Variants in EDIL3 observed in about 807,000 individuals in gnomAD.
EDIL3 encodes EGF like and discoidin domains 3.
In EDIL3, 37 loss-of-function variants were observed where a neutral mutation model predicts 67.4. That is an observed-to-expected ratio of 0.55 (90% CI 0.42 to 0.72). The LOEUF is 0.72. Ranked by LOEUF, EDIL3 falls within the 30% of genes least tolerant of loss-of-function variation. The probability of loss-of-function intolerance (pLI) is 0.00; values close to 1 mark genes in which losing one functional copy is unlikely to be tolerated. For missense variants in EDIL3, 527 were observed against 586.3 expected, an observed-to-expected ratio of 0.90 and a Z score of 1.04; for synonymous variants, 195 against 196.3, an observed-to-expected ratio of 0.99 and a Z score of 0.05.
At chr5:84,340,503 ACTCT>A (rs1170972212) in intron 1 of EDIL3, among the ~76,000 whole-genome samples, 89 of 38,660 alleles carry the variant, frequency 2.3e-3, no homozygotes, top group African/African-American at 4.0e-3. Flanking sequence ...AGGGAAGATT[ACTCT>A]CTCTCTCTCT....
intron 9 of EDIL3, among the ~76,000 whole-genome samples, chr5:83,989,883 A>G (rs553836548): frequency 6.6e-6 from 1 of 152,334 alleles, no homozygotes; most frequent in African/African-American, 2.4e-5. Context: ...TTGAGAAGCT[A>G]CATGGCAAAG....
intron 6 of EDIL3, among the ~76,000 whole-genome samples, chr5:84,095,724 G>GAA (rs1747250180): frequency 6.6e-6 from 1 of 152,180 alleles, no homozygotes; most frequent in South Asian, 2.1e-4. Context: ...CAATGCAATA[G>GAA]AAAAGAAAAA....
chr5:84,109,123 AT>A (rs1429360394), intron 5 of EDIL3, among the ~76,000 whole-genome samples: 1 of 152,184 alleles, frequency 6.6e-6, no homozygotes, highest in East Asian at 1.9e-4. Context: ...CCAATGAGCG[AT>A]TTTGAAAATA....
At chr5:83,985,878 A>G (rs1046022040) in intron 9 of EDIL3, among the ~76,000 whole-genome samples, 4 of 151,960 alleles carry the variant, frequency 2.6e-5, no homozygotes, top group African/African-American at 9.7e-5. Context: ...ATAGGTTTGT[A>G]TTGTTATTTC....
intron 3 of EDIL3, among the ~76,000 whole-genome samples, chr5:84,195,292 AG>A (rs1157530816): frequency 6.6e-6 from 1 of 151,982 alleles, no homozygotes; most frequent in Non-Finnish European, 1.5e-5. Context: ...TAATTAGGGA[AG>A]TTACTATAAA....
intron 1 of EDIL3, among the ~76,000 whole-genome samples, chr5:84,367,369 T>G (rs772788443): frequency 6.6e-6 from 1 of 152,088 alleles, no homozygotes; most frequent in Non-Finnish European, 1.5e-5. Flanking sequence ...CTTTAACAAC[T>G]TTTAACAAAC....
chr5:84,235,648 T>C (rs902342971), intron 2 of EDIL3, among the ~76,000 whole-genome samples: 2 of 152,032 alleles, frequency 1.3e-5, no homozygotes, highest in Admixed American at 6.6e-5. Flanking sequence ...TAAATATTTG[T>C]TGAAAGAAAA....
At chr5:84,160,158 A>G (rs1748577996) in intron 4 of EDIL3, among the ~76,000 whole-genome samples, 1 of 152,148 alleles carries the variant, frequency 6.6e-6, no homozygotes, top group Non-Finnish European at 1.5e-5. Context: ...TTTGACAGAC[A>G]ACTCCAGTGA....
At chr5:84,158,583 C>T (rs892612986) in intron 4 of EDIL3, among the ~76,000 whole-genome samples, 18 of 152,024 alleles carry the variant, frequency 1.2e-4, no homozygotes, top group African/African-American at 3.6e-4. Context: ...TCATATTCCT[C>T]AGTTGTGTAG....
chr5:83,967,928 G>C (rs1006854447), intron 9 of EDIL3, among the ~76,000 whole-genome samples: 2 of 152,086 alleles, frequency 1.3e-5, no homozygotes, highest in African/African-American at 4.8e-5. Flanking sequence ...ATTCTGAATT[G>C]TGTATTTTAT....
chr5:84,175,025 G>A (rs1748879035), intron 4 of EDIL3, among the ~76,000 whole-genome samples: 1 of 152,170 alleles, frequency 6.6e-6, no homozygotes, highest in Non-Finnish European at 1.5e-5. Context: ...AGGGTGTTAA[G>A]TGAAAATGCT....
At chr5:84,284,299 G>A (rs1745765250) in intron 1 of EDIL3, among the ~76,000 whole-genome samples, 1 of 152,094 alleles carries the variant, frequency 6.6e-6, no homozygotes, top group African/African-American at 2.4e-5. Flanking sequence ...ATTGTGAAGT[G>A]ACCTTTCCAA....
intron 6 of EDIL3, among the ~76,000 whole-genome samples, chr5:84,091,084 A>T (rs1158629991): frequency 6.6e-6 from 1 of 152,230 alleles, no homozygotes; most frequent in Non-Finnish European, 1.5e-5. Flanking sequence ...AATAAAAGGG[A>T]ACTACCAAGA....
intron 6 of EDIL3, among the ~76,000 whole-genome samples, chr5:84,069,814 G>C (rs553670673): frequency 4.6e-5 from 7 of 151,982 alleles, no homozygotes; most frequent in Non-Finnish European, 1.0e-4. Flanking sequence ...CATTTTCCAA[G>C]AGCACCTGTC....
intron 1 of EDIL3, among the ~76,000 whole-genome samples, chr5:84,268,682 A>C (rs1350622610): frequency 6.6e-6 from 1 of 152,212 alleles, no homozygotes; most frequent in Non-Finnish European, 1.5e-5. Flanking sequence ...TTATTGTTAG[A>C]AAAAATAAGA....
intron 4 of EDIL3, among the ~76,000 whole-genome samples, chr5:84,178,279 T>C (rs1748954939): frequency 6.6e-6 from 1 of 152,174 alleles, no homozygotes; most frequent in Non-Finnish European, 1.5e-5. Context: ...TGCCTGTTTA[T>C]CTGCATTTCT....
intron 2 of EDIL3, among the ~76,000 whole-genome samples, chr5:84,244,536 G>A (rs577330601): frequency 3.3e-5 from 5 of 151,100 alleles, no homozygotes; most frequent in South Asian, 2.1e-4. Flanking sequence ...TGAACTGCCC[G>A]CCTTGGTCTC....
Position 84,224,449 on chromosome 5 carries a change from CT to C in EDIL3, c.226+5405del, listed in dbSNP as rs35676054. Among the ~76,000 whole-genome samples the C allele has an allele frequency of 6.0e-5, 9 of 151,044 alleles. No individual in the cohort carries two copies. In the East Asian group the frequency reaches 1.5e-3, roughly 26 times the overall value. The stretch of plus-strand genomic sequence containing the variant: ...GCAGTCAATATTCAAATTTATATGT[CT>C]TTTTTTTCCAAGGGACATAGAAATA... On this transcript the variant is annotated intron_variant, in intron 3 of 10. Transcript: ENST00000296591.
intron 3 of EDIL3, among the ~76,000 whole-genome samples, chr5:84,182,579 G>A (rs1441044875): frequency 1.3e-5 from 2 of 152,074 alleles, no homozygotes; most frequent in Non-Finnish European, 2.9e-5. Flanking sequence ...TAGAAGGTGG[G>A]CAACTTTGTC....
Sources: gnomAD v4.1 joint callset for allele counts (sites outside exome capture counted in the v4.1 genomes callset) on GRCh38, gnomAD v4.1.1 for gene constraint, MANE v1.5 for transcripts, NCBI Gene and HGNC (gene_info 2026-07-23, HGNC 2026-07-21) for gene names.